The following PDE4DIP variants were observed in gnomAD, a reference collection of about 807,000 sequenced individuals.
The protein encoded by PDE4DIP is phosphodiesterase 4D interacting protein.
Under a neutral mutation model 221.4 loss-of-function variants are expected in PDE4DIP, and 59 were observed. The ratio of observed to expected loss-of-function variants is 0.27; its 90% CI spans 0.22 to 0.33. The LOEUF is 0.33. PDE4DIP is among the 10% of genes least tolerant of loss of function. The probability of loss-of-function intolerance (pLI) is 1.00; values close to 1 mark genes in which losing one functional copy is unlikely to be tolerated. For missense variants in PDE4DIP, 1,036 were observed against 2,154.2 expected, an observed-to-expected ratio of 0.48 and a Z score of 10.28; for synonymous variants, 404 against 815.9, an observed-to-expected ratio of 0.50 and a Z score of 8.60.
intron 43 of PDE4DIP, 104 bp from the exon 47 acceptor site, chr1:149,031,840 G>C (rs2076820061): frequency 9.6e-7 from 1 of 1,037,244 alleles, no homozygotes; most frequent in East Asian, 2.5e-5. Flanking sequence ...CTCTCACCGT[G>C]CTCCTGGCTT....
At chr1:149,016,604 T>C (rs2152668383) in intron 33 of PDE4DIP, 54 bp downstream of exon 36, 1 of 581,050 alleles carries the variant, frequency 1.7e-6, no homozygotes, top group Non-Finnish European at 3.1e-6. Flanking sequence ...ATTTGGAGTC[T>C]ACTCTTTTCC....
intron 20 of PDE4DIP, 112 bp downstream of exon 23, chr1:148,979,961 A>G: frequency 7.3e-7 from 1 of 1,373,450 alleles, no homozygotes; most frequent in Non-Finnish European, 9.9e-7. Flanking sequence ...GATACTGAAG[A>G]GGGGAGAAAA....
intron 5 of PDE4DIP, chr1:148,953,793 A>G: frequency 6.9e-7 from 1 of 1,458,096 alleles, no homozygotes; most frequent in African/African-American, 1.4e-5. Flanking sequence ...GGTTTCCTTA[A>G]CAGGTCTTTG....
intron 1 of PDE4DIP, among the ~76,000 whole-genome samples, chr1:148,813,666 C>A (rs1438176018): frequency 2.3e-5 from 2 of 85,700 alleles, no homozygotes; most frequent in African/African-American, 4.6e-5. Context: ...CAAAAATATT[C>A]TATTTTTTTC....
chr1:148,962,381 C>A (rs374496443), intron 8 of PDE4DIP, 47 bp from the exon 12 acceptor site: 34 of 1,350,068 alleles, frequency 2.5e-5, no homozygotes, highest in Non-Finnish European at 3.5e-5. Flanking sequence ...TTTGTGGGAG[C>A]TCAGTGCTTG....
intron 1 of PDE4DIP, among the ~76,000 whole-genome samples, chr1:148,919,662 A>G (rs1186725673): frequency 2.6e-5 from 4 of 151,888 alleles, no homozygotes; most frequent in African/African-American, 9.7e-5. Context: ...TTCCTAGAAG[A>G]GATAAGATTC....
chr1:148,953,104 C>A (rs782527876), intron 5 of PDE4DIP: 34 of 1,613,920 alleles, frequency 2.1e-5, no homozygotes, highest in Non-Finnish European at 2.6e-5. Context: ...GCGCGGAGAT[C>A]AAGGCGGGGA....
intron 4 of PDE4DIP, among the ~76,000 whole-genome samples, chr1:148,933,872 T>C (rs2048612577): frequency 6.6e-6 from 1 of 150,524 alleles, no homozygotes; most frequent in Non-Finnish European, 1.5e-5. Context: ...CTAGTAATAA[T>C]AATGATGGCT....
Position 148,910,219 on chromosome 1 carries a change from G to C in PDE4DIP, c.142-18978G>C, listed in dbSNP as rs1488306961. Among the ~76,000 whole-genome samples, 3 of 102,020 alleles carry C rather than the reference G, an allele frequency of 2.9e-5. 1 individual carries two copies. The highest frequency in any genetic ancestry group is 5.7e-5 in the Non-Finnish European group (3 of 52,502). 66.9% of individuals were successfully genotyped at this position (102,020 alleles called of 152,430 possible). The stretch of plus-strand genomic sequence containing the variant: ...TTATAAATAAAGTATGTAGAATGTT[G>C]GAAAGTGAAAGTCCTCTTGGGGCAG... On this transcript the variant is annotated intron_variant, in intron 1 of 43. Coordinates refer to ENST00000369354, the Ensembl canonical transcript of PDE4DIP.
At chr1:148,877,161 A>G (rs1691785000) in intron 3 of PDE4DIP, among the ~76,000 whole-genome samples, 1 of 149,274 alleles carries the variant, frequency 6.7e-6, no homozygotes, top group South Asian at 2.1e-4. Flanking sequence ...CAATGTACTG[A>G]CTTGGGAGGA....
At chr1:149,029,830 T>A in exon 42 of PDE4DIP, 1 of 1,605,514 alleles carries the variant, frequency 6.2e-7, no homozygotes, top group Non-Finnish European at 8.5e-7. Context: ...AGAACCAAAG[T>A]ATCCAAACAG....
exon 20 of PDE4DIP, chr1:148,979,745 G>A: frequency 1.9e-6 from 3 of 1,612,994 alleles, no homozygotes; most frequent in South Asian, 1.1e-5. Flanking sequence ...AGTTGCTGCT[G>A]ATGCTAGAAG....
intron 2 of PDE4DIP, chr1:148,930,090 C>G (rs1412490901): frequency 6.6e-6 from 1 of 151,056 alleles, no homozygotes; most frequent in Non-Finnish European, 1.5e-5. Context: ...ATTTATATTG[C>G]TAAAATGGTT....
In PDE4DIP at chr1:148,956,140, A is replaced by G. The variant is rs2762864; in HGVS notation, c.637-4514A>G. On this transcript the variant is annotated intron_variant, in intron 5 of 43. Coordinates refer to ENST00000369354, the Ensembl canonical transcript of PDE4DIP. The stretch of plus-strand genomic sequence containing the variant: ...CAAATATGGAAAGAATAGAAATAAT[A>G]TAATTTTTTTTGGTAGTTCTCTTTT... 4.8e-4 allele frequency among the ~76,000 whole-genome samples: 72 copies of G among 151,532 alleles called. 1 individual carries two copies. Among genetic ancestry groups the G allele is most frequent in the South Asian group, 1.0e-3 (5 of 4,776 alleles).
chr1:148,893,024 C>G (rs1325695772), intron 1 of PDE4DIP, among the ~76,000 whole-genome samples: 1 of 114,552 alleles, frequency 8.7e-6, no homozygotes. Context: ...CACAGGTGTG[C>G]CACCACACCT....
exon 24 of PDE4DIP, chr1:149,001,687 G>A: frequency 6.2e-7 from 1 of 1,607,744 alleles, no homozygotes; most frequent in Non-Finnish European, 8.5e-7. Flanking sequence ...AAGACAAGGA[G>A]AAGGGCGAGG....
At chr1:148,967,594 G>A in intron 12 of PDE4DIP, 132 bp from the exon 16 acceptor site, 3 of 618,674 alleles carry the variant, frequency 4.8e-6, no homozygotes, top group African/African-American at 1.8e-5. Context: ...GGCATTGTTA[G>A]ATCAATGTTC....
chr1:148,934,557 T>C (rs1354687119), intron 4 of PDE4DIP, among the ~76,000 whole-genome samples: 4 of 152,210 alleles, frequency 2.6e-5, no homozygotes, highest in African/African-American at 9.7e-5. Flanking sequence ...CTCCTTCTCG[T>C]CATCATTGCA....
intron 19 of PDE4DIP, 106 bp from the exon 23 acceptor site, chr1:148,979,631 G>C: frequency 3.2e-6 from 3 of 946,262 alleles, no homozygotes; most frequent in Non-Finnish European, 5.0e-6. Context: ...TAAGTACTAA[G>C]ATAGTGGGCT....
Sources: allele counts gnomAD v4.1 joint callset (sites outside exome capture counted in the v4.1 genomes callset), GRCh38; gene constraint gnomAD v4.1.1; transcripts MANE v1.5; gene names NCBI Gene and HGNC (gene_info 2026-07-23, HGNC 2026-07-21).